The following CNTN5 variants were observed in gnomAD, a reference collection of about 807,000 sequenced individuals.
CNTN5 encodes contactin 5, also known as contactin-5.
Under a neutral mutation model 129.1 loss-of-function variants are expected in CNTN5, and 77 were observed. The ratio of observed to expected loss-of-function variants is 0.60; its 90% CI spans 0.50 to 0.72. The LOEUF is 0.72. CNTN5 is among the 30% of genes least tolerant of loss of function. CNTN5 has a pLI of 0.00. For synonymous variants in CNTN5, 509 were observed against 465.6 expected, an observed-to-expected ratio of 1.09 and a Z score of -1.20; for missense variants, 1,478 against 1,328.8, an observed-to-expected ratio of 1.11 and a Z score of -1.75.
chr11:100,327,687 G>T (rs1334264850), intron 21 of CNTN5, among the ~76,000 whole-genome samples: 1 of 152,080 alleles, frequency 6.6e-6, no homozygotes, highest in African/African-American at 2.4e-5. Flanking sequence ...ATTCTCAGTT[G>T]GCCCTAGGCA....
At chr11:99,920,409 A>G (rs1949907620) in intron 7 of CNTN5, among the ~76,000 whole-genome samples, 3 of 152,114 alleles carry the variant, frequency 2.0e-5, no homozygotes, top group African/African-American at 4.8e-5. Context: ...TCTCCCTAAC[A>G]TACATCTCTA....
chr11:100,303,318 A>G lies in CNTN5; in HGVS notation c.2620+3922A>G, dbSNP rs537627459. On this transcript the variant is annotated intron_variant, in intron 20 of 24. Coordinates refer to ENST00000524871, the MANE Select transcript of CNTN5 (RefSeq NM_014361.4). ...AAAAAAAGAATAGTGAAGTTTCAAA[A>G]TAAGTTCTCAAAATGCATGGTAAAA... is the stretch of plus-strand genomic sequence containing the variant. Among the ~76,000 whole-genome samples, 4 of 151,764 alleles carry G rather than the reference A, an allele frequency of 2.6e-5. No homozygotes were observed. The South Asian group carries it at 8.3e-4, about 32-fold the overall frequency.
At chr11:100,143,402 A>G (rs1388099977) in intron 13 of CNTN5, among the ~76,000 whole-genome samples, 2 of 152,130 alleles carry the variant, frequency 1.3e-5, no homozygotes, top group Non-Finnish European at 2.9e-5. Context: ...CTACTAGTCA[A>G]CTCTAGCCAT....
intron 1 of CNTN5, among the ~76,000 whole-genome samples, chr11:99,044,879 A>G (rs1314581235): frequency 6.6e-6 from 1 of 152,206 alleles, no homozygotes; most frequent in Non-Finnish European, 1.5e-5. Flanking sequence ...ACAGCACAAC[A>G]TAGTGAACAA....
At chr11:99,545,904 C>T (rs552534969) in intron 2 of CNTN5, among the ~76,000 whole-genome samples, 3 of 152,250 alleles carry the variant, frequency 2.0e-5, no homozygotes, top group East Asian at 3.9e-4. Context: ...TCTCCTAAGT[C>T]GTCCCACTCA....
intron 2 of CNTN5, among the ~76,000 whole-genome samples, chr11:99,393,509 C>G (rs897439422): frequency 1.3e-5 from 2 of 151,702 alleles, no homozygotes; most frequent in African/African-American, 4.8e-5. Flanking sequence ...GCAAAGGGAG[C>G]TAAGTAAGTT....
At chr11:100,027,044 G>A (rs1017151042) in intron 9 of CNTN5, among the ~76,000 whole-genome samples, 1 of 151,664 alleles carries the variant, frequency 6.6e-6, no homozygotes, top group East Asian at 1.9e-4. Flanking sequence ...TTCCATAGTT[G>A]TACTTAACAT....
intron 2 of CNTN5, among the ~76,000 whole-genome samples, chr11:99,352,005 T>C (rs992365165): frequency 6.6e-6 from 1 of 152,192 alleles, no homozygotes; most frequent in African/African-American, 2.4e-5. Flanking sequence ...GCAGATGACA[T>C]TGACAAGACA....
At chr11:100,002,380 T>G (rs1939930883) in intron 9 of CNTN5, among the ~76,000 whole-genome samples, 2 of 152,136 alleles carry the variant, frequency 1.3e-5, no homozygotes, top group Admixed American at 1.3e-4. Context: ...CTTTAATGAA[T>G]AAAAAGCTTT....
At chr11:99,983,669 C>T (rs963451665) in intron 8 of CNTN5, among the ~76,000 whole-genome samples, 1 of 152,142 alleles carries the variant, frequency 6.6e-6, no homozygotes, top group Non-Finnish European at 1.5e-5. Context: ...TGACAATATG[C>T]TACCATTTCA....
chr11:99,920,848 C>T (rs966317204), intron 7 of CNTN5, among the ~76,000 whole-genome samples: 16 of 152,118 alleles, frequency 1.1e-4, no homozygotes, highest in Non-Finnish European at 1.6e-4. Context: ...AGGATTTCAA[C>T]ATACTACTTT....
intron 3 of CNTN5, among the ~76,000 whole-genome samples, chr11:99,795,533 T>G (rs1239486533): frequency 6.6e-6 from 1 of 152,214 alleles, no homozygotes; most frequent in African/African-American, 2.4e-5. Context: ...GCTGGTTGTT[T>G]CTTATCTATG....
chr11:99,708,918 G>T (rs1189935109), intron 3 of CNTN5, among the ~76,000 whole-genome samples: 1 of 151,696 alleles, frequency 6.6e-6, no homozygotes, highest in Non-Finnish European at 1.5e-5. Context: ...ACACAGTTTA[G>T]AATTTACTGT....
chr11:99,987,524 A>AATATATATAC (rs1938765071), intron 8 of CNTN5, among the ~76,000 whole-genome samples: 2 of 141,336 alleles, frequency 1.4e-5, no homozygotes, highest in South Asian at 4.4e-4. Flanking sequence ...TGTATTTATG[A>AATATATATAC]ATATATATAT....
intron 1 of CNTN5, among the ~76,000 whole-genome samples, chr11:99,284,600 G>GGTGTGTGTGTGT (rs71046675): frequency 8.0e-6 from 1 of 124,752 alleles, no homozygotes; most frequent in Admixed American, 8.4e-5. Flanking sequence ...AGAGATGAGT[G>GGTGTGTGTGTGT]GTGTGTGTGT....
intron 1 of CNTN5, among the ~76,000 whole-genome samples, chr11:99,317,155 T>G (rs1353880242): frequency 6.6e-6 from 1 of 152,054 alleles, no homozygotes; most frequent in Non-Finnish European, 1.5e-5. Context: ...GGAGATTATT[T>G]TTTCAAGACA....
At chr11:99,550,086 A>G (rs1220651018) in intron 2 of CNTN5, among the ~76,000 whole-genome samples, 1 of 152,156 alleles carries the variant, frequency 6.6e-6, no homozygotes. Context: ...ACTATGCCTC[A>G]CGGTGTTTAA....
At chr11:100,148,575 T>TGTGA (rs1197151793) in intron 13 of CNTN5, among the ~76,000 whole-genome samples, 2 of 152,314 alleles carry the variant, frequency 1.3e-5, no homozygotes, top group Middle Eastern at 3.4e-3. Flanking sequence ...CAAGTATTTG[T>TGTGA]GTGAGTCGTT....
At chr11:100,035,842 A>G (rs1941964898) in intron 9 of CNTN5, among the ~76,000 whole-genome samples, 1 of 151,734 alleles carries the variant, frequency 6.6e-6, no homozygotes, top group African/African-American at 2.4e-5. Context: ...AATTTGTTTG[A>G]GTTCATTGTA....
Sources: allele counts gnomAD v4.1 joint callset (sites outside exome capture counted in the v4.1 genomes callset), GRCh38; gene constraint gnomAD v4.1.1; transcripts MANE v1.5; gene names NCBI Gene and HGNC (gene_info 2026-07-23, HGNC 2026-07-21).